Variants in NUBP2 observed in about 807,000 individuals in gnomAD.
The protein encoded by NUBP2 is cytosolic Fe-S cluster assembly factor NUBP2.
Under a neutral mutation model 24.9 loss-of-function variants are expected in NUBP2, and 23 were observed. The observed-to-expected ratio is 0.92, with a 90% confidence interval of 0.66 to 1.31. The LOEUF (loss-of-function observed/expected upper bound fraction) is 1.31. NUBP2 is among the 50% of genes most tolerant of loss of function. The probability of loss-of-function intolerance (pLI) is 0.00; values close to 1 mark genes in which losing one functional copy is unlikely to be tolerated. For synonymous variants in NUBP2, 186 were observed against 170.9 expected, an observed-to-expected ratio of 1.09 and a Z score of -0.69; for missense variants, 403 against 386.5, an observed-to-expected ratio of 1.04 and a Z score of -0.36.
chr16:1,784,919 C>A, intron 1 of NUBP2: 1 of 183,334 alleles, frequency 5.5e-6, no homozygotes, highest in Non-Finnish European at 1.0e-5. Flanking sequence ...CGCCTGTGGT[C>A]CCAGGTACTC....
chr16:1,788,094 C>G (rs369769434), intron 5 of NUBP2, 43 bp downstream of exon 5: 100 of 1,556,868 alleles, frequency 6.4e-5, no homozygotes, highest in Non-Finnish European at 8.4e-5. Flanking sequence ...AGCACCTGGC[C>G]GGTGGGGGCT....
rs915355245 is a variant in NUBP2, at chr16:1,786,660, G to C, written c.135+5G>C. 16 of 1,612,538 alleles carry C rather than the reference G, an allele frequency of 9.9e-6. No homozygotes were observed. In the Admixed American group the frequency reaches 2.3e-4, roughly 24 times the overall value. ...CTGCGCCATGCAGGCAAGAAGGTGA[G>C]CGCCCTACCCCTCACTGGGCGGAGC... On this transcript the variant is annotated splice_donor_5th_base_variant and intron_variant, in intron 2 of 6. Coordinates refer to ENST00000262302, the MANE Select transcript of NUBP2 (RefSeq NM_012225.4).
At position 1,785,984 on chromosome 16, in the gene NUBP2, G is replaced by A. The variant is rs1896947203; in HGVS notation, c.17-553G>A. ...CAGGGACAGGATGGGACCCTGGAAGGAAGAGGAGCTGGAGCTGTGCTGGAA... is the reference window on the plus strand; with the variant it reads ...CAGGGACAGGATGGGACCCTGGAAGAAAGAGGAGCTGGAGCTGTGCTGGAA... On this transcript the variant is annotated intron_variant, in intron 1 of 6. Transcript: ENST00000262302. The A allele has an allele frequency of 3.3e-6, 4 of 1,204,274 alleles. No homozygotes were observed. The South Asian group carries it at 5.9e-5, about 18-fold the overall frequency. The allele number at this position is 1,204,274 out of a possible 1,614,324, so 74.6% of individuals were successfully genotyped here. A position where few individuals can be genotyped will look rare whatever the true frequency, so the allele number is the denominator to read the frequency against.
At chr16:1,783,897 G>C (rs1240648278) in intron 1 of NUBP2, 10 of 365,890 alleles carry the variant, frequency 2.7e-5, no homozygotes, top group Non-Finnish European at 3.4e-5. Flanking sequence ...GTTTCACCGT[G>C]TTAGCCAGGA....
At chr16:1,787,252 C>T in intron 3 of NUBP2, 1 of 421,800 alleles carries the variant, frequency 2.4e-6, no homozygotes, top group Non-Finnish European at 4.3e-6. Context: ...TGAGGGGGTT[C>T]TGGTGCCTCT....
At chr16:1,785,527 C>T (rs1896920081) in intron 1 of NUBP2, 1 of 1,204,490 alleles carries the variant, frequency 8.3e-7, no homozygotes, top group East Asian at 5.8e-5. Flanking sequence ...TGCTCCCTCT[C>T]TGCACGGGCC....
chr16:1,785,408 C>T lies in NUBP2; in HGVS notation c.17-1129C>T, dbSNP rs189789313. 341 of 1,172,064 alleles carry T rather than the reference C, an allele frequency of 2.9e-4. 2 individuals carry two copies. In the East Asian group the frequency reaches 0.013, roughly 45 times the overall value. The allele number at this position is 1,172,064 out of a possible 1,614,324, so 72.6% of individuals were successfully genotyped here. A position where few individuals can be genotyped will look rare whatever the true frequency, so the allele number is the denominator to read the frequency against. ...ACAGGCACCATTCCCCCACCTCTGCCAACGAGGAGAGCCCCTGGGGGTTAA... is the reference window on the plus strand; with the variant it reads ...ACAGGCACCATTCCCCCACCTCTGCTAACGAGGAGAGCCCCTGGGGGTTAA... On this transcript the variant is annotated intron_variant, in intron 1 of 6. Coordinates refer to ENST00000262302, the MANE Select transcript of NUBP2 (RefSeq NM_012225.4).
Position 1,786,578 on chromosome 16 carries a change from C to T in NUBP2, c.58C>T (p.Leu20Phe). The change falls in exon 2 of 7, where the codon CTC becomes TTC. Residue 20 changes from leucine (L) to phenylalanine (F), a missense_variant. Transcript: ENST00000262302. ...LAGVRHIILV[L>F]SGKGGVGKST... ...CGGCGTCAGGCACATCATCCTGGTC[C>T]TCTCAGGAAAGGGGGGCGTTGGGAA... 1 of 1,611,180 alleles carries T rather than the reference C, an allele frequency of 6.2e-7. No individual in the cohort carries two copies. Among genetic ancestry groups the T allele is most frequent in the Non-Finnish European group, 8.5e-7 (1 of 1,178,698 alleles).
intron 6 of NUBP2, 97 bp from the exon 7 acceptor site, chr16:1,788,472 C>A: frequency 7.0e-7 from 1 of 1,437,742 alleles, no homozygotes; most frequent in East Asian, 2.5e-5. Flanking sequence ...GCCTCAATCC[C>A]CTCTAAGGCC....
intron 1 of NUBP2, chr16:1,786,172 A>C: frequency 2.9e-6 from 1 of 346,076 alleles, no homozygotes. Context: ...TCCCGTTAGA[A>C]ATAGCAGGGG....
intron 1 of NUBP2, 198 bp downstream of exon 1, chr16:1,783,234 G>T: frequency 8.6e-7 from 1 of 1,164,172 alleles, no homozygotes; most frequent in Non-Finnish European, 1.1e-6. Context: ...CTTCGATGTG[G>T]AAGCTCCGTG....
Position 1,786,972 on chromosome 16 carries a change from G to A in NUBP2, c.334+17G>A, listed in dbSNP as rs369006874. 205 of 1,506,208 alleles carry A rather than the reference G, an allele frequency of 1.4e-4. No homozygotes were observed. The highest frequency in any genetic ancestry group is 1.8e-4 in the Middle Eastern group (1 of 5,414). The allele number at this position is 1,506,208 out of a possible 1,614,324, so 93.3% of individuals were successfully genotyped here. ...AGAAAAACGGTAACGGCCGGGCGGC[G>A]CGTCCGCCGTCCTGGTGAAGGGGGT... On this transcript the variant is annotated intron_variant, in intron 3 of 6. Coordinates refer to ENST00000262302, the MANE Select transcript of NUBP2 (RefSeq NM_012225.4).
At chr16:1,783,139 A>G (rs1417122849) in intron 1 of NUBP2, 103 bp downstream of exon 1, 1 of 1,203,456 alleles carries the variant, frequency 8.3e-7, no homozygotes, top group African/African-American at 1.6e-5. Flanking sequence ...CTCCGGTGCG[A>G]CCATCACCGG....
At chr16:1,786,262 C>A (rs956090204) in intron 1 of NUBP2, 13 of 498,334 alleles carry the variant, frequency 2.6e-5, no homozygotes, top group Non-Finnish European at 4.0e-5. Flanking sequence ...TTCCACACAG[C>A]GAGAGGAGTT....
At position 1,787,660 on chromosome 16, in the gene NUBP2, C is replaced by T. The variant is rs989465823; in HGVS notation, c.335-17C>T. On this transcript the variant is annotated splice_polypyrimidine_tract_variant and intron_variant, in intron 3 of 6. Transcript: ENST00000262302. Reference sequence around the variant, plus strand: ...ACCTGCCCTGCCCTGACCGCCCCGTCTGCCCCGTCTTTGCAGCGCTGATAA... The same window carrying T: ...ACCTGCCCTGCCCTGACCGCCCCGTTTGCCCCGTCTTTGCAGCGCTGATAA... The T allele has an allele frequency of 1.2e-6, 2 of 1,610,800 alleles. No homozygotes were observed. Among genetic ancestry groups the T allele is most frequent in the Non-Finnish European group, 1.7e-6 (2 of 1,178,992 alleles).
rs376017316 is a variant in NUBP2, at chr16:1,788,240, C to T, written c.670+33C>T. The T allele has an allele frequency of 7.7e-4, 1,119 of 1,447,250 alleles. 15 individuals are homozygous for T. The highest frequency in any genetic ancestry group is 1.9e-3 in the Middle Eastern group (9 of 4,822). The allele number at this position is 1,447,250 out of a possible 1,614,324, so 89.7% of individuals were successfully genotyped here. ...TCCCAAGCTGGTGCTGGGGTCGCGGCCTCCCATTCCATCTCTGCCCTGGGC... is the reference window on the plus strand; with the variant it reads ...TCCCAAGCTGGTGCTGGGGTCGCGGTCTCCCATTCCATCTCTGCCCTGGGC... On this transcript the variant is annotated intron_variant, in intron 6 of 6. Coordinates refer to ENST00000262302, the MANE Select transcript of NUBP2 (RefSeq NM_012225.4).
chr16:1,786,514 T>A (rs1182132005), intron 1 of NUBP2, 23 bp from the exon 2 acceptor site: 10 of 1,568,410 alleles, frequency 6.4e-6, no homozygotes, highest in Non-Finnish European at 8.7e-6. Context: ...AGCCCTGACC[T>A]TCTCTGTCGT....
In NUBP2 at chr16:1,783,842, C is replaced by T. The variant is rs553191875; in HGVS notation, c.16+806C>T. On this transcript the variant is annotated intron_variant, in intron 1 of 6. Transcript: ENST00000262302. ...CCGAGTAGCTGTGACTACAGGCGCC[C>T]GCCACCACGCCCGGCTAATTTTTTG... is the stretch of plus-strand genomic sequence containing the variant. 4.8e-3 allele frequency: 920 copies of T among 191,798 alleles called. 3 individuals carry two copies. Among genetic ancestry groups the T allele is most frequent in the Admixed American group, 0.01 (160 of 15,318 alleles). 11.9% of individuals were successfully genotyped at this position (191,798 alleles called of 1,614,324 possible).
chr16:1,787,359 A>T (rs1325949333), intron 3 of NUBP2: 2 of 452,744 alleles, frequency 4.4e-6, no homozygotes, highest in Non-Finnish European at 7.9e-6. Flanking sequence ...ACCACGGAGA[A>T]TGTGGGTGCT....
Sources: allele counts gnomAD v4.1 joint callset, GRCh38; gene constraint gnomAD v4.1.1; transcripts MANE v1.5; gene names NCBI Gene and HGNC (gene_info 2026-07-23, HGNC 2026-07-21).